The following LRMDA variants were observed in gnomAD, a reference collection of about 807,000 sequenced individuals.
LRMDA encodes the protein leucine-rich melanocyte differentiation-associated protein.
A neutral mutation model predicts 29.8 loss-of-function variants in LRMDA; 18 were observed. That is an observed-to-expected ratio of 0.60 (90% CI 0.42 to 0.90). The LOEUF is 0.90. LRMDA is among the 40% of genes least tolerant of loss of function. LRMDA has a pLI of 0.00. For synonymous variants in LRMDA, 125 were observed against 109.4 expected, an observed-to-expected ratio of 1.14 and a Z score of -0.89; for missense variants, 273 against 273.9, an observed-to-expected ratio of 1.00 and a Z score of 0.02.
intron 2 of LRMDA, among the ~76,000 whole-genome samples, chr10:76,004,959 C>G (rs1180420449): frequency 8.5e-5 from 13 of 152,074 alleles, no homozygotes; most frequent in Non-Finnish European, 1.9e-4. Flanking sequence ...GATCTCCTGA[C>G]CTTGTGATCC....
intron 2 of LRMDA, among the ~76,000 whole-genome samples, chr10:75,980,717 C>T (rs1002735002): frequency 1.3e-5 from 2 of 152,178 alleles, no homozygotes; most frequent in East Asian, 1.9e-4. Flanking sequence ...TTACTACATC[C>T]TGAAAGAATT....
At position 75,632,738 on chromosome 10, in the gene LRMDA, T is replaced by C. The variant is rs985741363; in HGVS notation, c.131+194244T>C. Among the ~76,000 whole-genome samples, 5 of 150,936 alleles carry C rather than the reference T, an allele frequency of 3.3e-5. No individual in the cohort carries two copies. In the East Asian group the frequency reaches 9.7e-4, roughly 29 times the overall value. ...TTTTCTGATGCAGAAAGGCTGAACATGTCCCTAAAGAGTGAGGTTAGTTTT... is the reference window on the plus strand; with the variant it reads ...TTTTCTGATGCAGAAAGGCTGAACACGTCCCTAAAGAGTGAGGTTAGTTTT... On this transcript the variant is annotated intron_variant, in intron 2 of 6. Coordinates refer to ENST00000611255, the MANE Select transcript of LRMDA (RefSeq NM_001305581.2).
intron 2 of LRMDA, among the ~76,000 whole-genome samples, chr10:76,010,559 A>G (rs1037505641): frequency 3.3e-5 from 5 of 152,070 alleles, no homozygotes; most frequent in African/African-American, 9.7e-5. Flanking sequence ...TGATCTGCCC[A>G]CCTTGGCCTC....
At chr10:75,992,464 G>A (rs1357976007) in intron 2 of LRMDA, among the ~76,000 whole-genome samples, 1 of 152,144 alleles carries the variant, frequency 6.6e-6, no homozygotes, top group East Asian at 1.9e-4. Context: ...GAGTTGGATG[G>A]AATTGGGGAG....
intron 2 of LRMDA, among the ~76,000 whole-genome samples, chr10:75,671,301 G>T (rs892979253): frequency 1.3e-5 from 2 of 152,144 alleles, no homozygotes; most frequent in Non-Finnish European, 2.9e-5. Context: ...GGACTGTACT[G>T]CTGCCTGGTA....
chr10:76,411,014 GA>G lies in LRMDA; in HGVS notation c.601+86530del, dbSNP rs1259910697. On this transcript the variant is annotated intron_variant, in intron 6 of 6. Coordinates refer to ENST00000611255, the MANE Select transcript of LRMDA (RefSeq NM_001305581.2). ...CACAGATATATGCAGGGAGACCATA[GA>G]GGGGGTTGGAGCAAGAGATGCAATT... Among the ~76,000 whole-genome samples, 12 of 152,194 alleles carry G rather than the reference GA, an allele frequency of 7.9e-5. No individual in the cohort carries two copies. The East Asian group carries it at 2.3e-3, about 29-fold the overall frequency.
rs3998129 is a variant in LRMDA at position 76,188,935 on chromosome 10, TACAC to T, written c.516+130184_516+130187del. Among the ~76,000 whole-genome samples, 995 of 141,642 alleles carry T rather than the reference TACAC, an allele frequency of 7.0e-3. 5 individuals are homozygous for T. Among genetic ancestry groups the T allele is most frequent in the African/African-American group, 0.017 (675 of 39,826 alleles). 92.9% of individuals were successfully genotyped at this position (141,642 alleles called of 152,430 possible). A position where few individuals can be genotyped will look rare whatever the true frequency, so the allele number is the denominator to read the frequency against. ...ATGCCTCTAGGCGAATGATTGCATG[TACAC>T]ACACACACACACACACACACACACA... On this transcript the variant is annotated intron_variant, in intron 5 of 6. Transcript: ENST00000611255.
intron 6 of LRMDA, among the ~76,000 whole-genome samples, chr10:76,441,657 A>C (rs1438032917): frequency 6.6e-6 from 1 of 152,156 alleles, no homozygotes; most frequent in Non-Finnish European, 1.5e-5. Context: ...CAGCCTTTCC[A>C]GCCCCCATCC....
intron 6 of LRMDA, among the ~76,000 whole-genome samples, chr10:76,405,694 TG>T (rs1371220331): frequency 1.3e-5 from 2 of 152,228 alleles, no homozygotes; most frequent in African/African-American, 4.8e-5. Context: ...GAAAGAGCAG[TG>T]GAGACAATCA....
At chr10:76,045,076 C>T (rs1183353154) in intron 3 of LRMDA, among the ~76,000 whole-genome samples, 3 of 148,520 alleles carry the variant, frequency 2.0e-5, no homozygotes, top group Non-Finnish European at 3.0e-5. Flanking sequence ...TTGTTAGTTT[C>T]CCCCTCTCTT....
At chr10:76,132,746 TAC>T (rs1850015714) in intron 5 of LRMDA, among the ~76,000 whole-genome samples, 2 of 152,044 alleles carry the variant, frequency 1.3e-5, no homozygotes, top group African/African-American at 2.4e-5. Context: ...GAGTGAAACT[TAC>T]AGAGTCTTGA....
chr10:76,108,695 T>A (rs1301780931), intron 5 of LRMDA, among the ~76,000 whole-genome samples: 1 of 152,224 alleles, frequency 6.6e-6, no homozygotes, highest in African/African-American at 2.4e-5. Context: ...GCATAGGAAA[T>A]AGAGCTCAGT....
At chr10:76,257,407 C>T (rs1852616691) in intron 5 of LRMDA, among the ~76,000 whole-genome samples, 1 of 150,404 alleles carries the variant, frequency 6.6e-6, no homozygotes, top group East Asian at 2.0e-4. Context: ...GATCTCAGCT[C>T]ACTGCAACCT....
intron 6 of LRMDA, among the ~76,000 whole-genome samples, chr10:76,349,305 T>C (rs548653786): frequency 6.1e-4 from 93 of 152,280 alleles, no homozygotes; most frequent in African/African-American, 2.2e-3. Flanking sequence ...ATAGGCAATA[T>C]GGAAGCCAAT....
intron 2 of LRMDA, among the ~76,000 whole-genome samples, chr10:75,787,032 C>G (rs149230568): frequency 6.6e-6 from 1 of 152,360 alleles, no homozygotes; most frequent in East Asian, 1.9e-4. Context: ...GAAGCCCCCA[C>G]TAGATTTGTC....
chr10:75,603,492 G>A (rs928314202), intron 2 of LRMDA, among the ~76,000 whole-genome samples: 1 of 152,086 alleles, frequency 6.6e-6, no homozygotes, highest in Admixed American at 6.6e-5. Context: ...TTAGGAGAAT[G>A]GAAGTGTAAA....
intron 2 of LRMDA, among the ~76,000 whole-genome samples, chr10:75,614,368 G>A (rs1371983046): frequency 3.3e-5 from 5 of 152,114 alleles, no homozygotes. Flanking sequence ...TGTATGTGGC[G>A]GCTGTGTCCC....
At chr10:76,115,716 T>G (rs1849656981) in intron 5 of LRMDA, among the ~76,000 whole-genome samples, 1 of 152,164 alleles carries the variant, frequency 6.6e-6, no homozygotes, top group African/African-American at 2.4e-5. Context: ...CTTGTTTCTT[T>G]CACAGCTCCG....
chr10:76,224,681 T>C (rs1851917766), intron 5 of LRMDA, among the ~76,000 whole-genome samples: 1 of 150,846 alleles, frequency 6.6e-6, no homozygotes, highest in South Asian at 2.1e-4. Context: ...TTTTTTTTTT[T>C]TTTTTTTTTA....
Sources: gnomAD v4.1 joint callset for allele counts (sites outside exome capture counted in the v4.1 genomes callset) on GRCh38, gnomAD v4.1.1 for gene constraint, MANE v1.5 for transcripts, NCBI Gene and HGNC (gene_info 2026-07-23, HGNC 2026-07-21) for gene names.